PTPRC: variants seen among roughly 807,000 people sequenced by gnomAD.
The protein encoded by PTPRC is receptor-type tyrosine-protein phosphatase C.
In PTPRC, 44 loss-of-function variants were observed where a neutral mutation model predicts 155.9. The observed-to-expected ratio is 0.28, with a 90% CI of 0.22 to 0.36. The LOEUF is 0.36. Among genes scored for constraint, PTPRC ranks in the 10% least tolerant of loss-of-function variants. PTPRC has a pLI of 1.00. For synonymous variants in PTPRC, 525 were observed against 533.1 expected, an observed-to-expected ratio of 0.98 and a Z score of 0.21; for missense variants, 1,401 against 1,564.6, an observed-to-expected ratio of 0.90 and a Z score of 1.76.
At chr1:198,684,673 C>CAA (rs200766684) in intron 2 of PTPRC, among the ~76,000 whole-genome samples, 2 of 150,392 alleles carry the variant, frequency 1.3e-5, no homozygotes, top group East Asian at 1.9e-4. Context: ...TTCTTTAAAA[C>CAA]AAAAAAAAAG....
intron 2 of PTPRC, among the ~76,000 whole-genome samples, chr1:198,656,999 C>T (rs1453031039): frequency 6.7e-6 from 1 of 149,270 alleles, no homozygotes; most frequent in African/African-American, 2.4e-5. Context: ...TCTAACTCCA[C>T]CATAGGATGG....
At chr1:198,734,549 G>A (rs777169245) in intron 22 of PTPRC, 124 bp downstream of exon 22, 12 of 858,272 alleles carry the variant, frequency 1.4e-5, no homozygotes, top group Non-Finnish European at 2.3e-5. Context: ...ATTTTAATCA[G>A]TGTTAACATT....
chr1:198,639,070 G>A lies in PTPRC; in HGVS notation c.-111G>A. ...CATCACCTAGCAGTTCATGCAGCTA[G>A]CAAGTGGTTTGTTCTTAGGGTAACA... On this transcript the variant is annotated 5_prime_UTR_variant, in exon 1 of 33. Coordinates refer to ENST00000442510, the MANE Select transcript of PTPRC (RefSeq NM_002838.5). 1.7e-6 allele frequency: 1 copy of A among 581,484 alleles called. No individual in the cohort carries two copies. Among genetic ancestry groups the A allele is most frequent in the Non-Finnish European group, 3.1e-6 (1 of 324,796 alleles). The allele number at this position is 581,484 out of a possible 1,614,324, so 36.0% of individuals were successfully genotyped here. A position where few individuals can be genotyped will look rare whatever the true frequency, so the allele number is the denominator to read the frequency against.
At chr1:198,742,578 C>A (rs921250149) in intron 25 of PTPRC, among the ~76,000 whole-genome samples, 4 of 151,688 alleles carry the variant, frequency 2.6e-5, no homozygotes, top group Non-Finnish European at 5.9e-5. Context: ...AAGATGACCA[C>A]AAAATATATA....
chr1:198,735,062 G>T, intron 22 of PTPRC, 65 bp from the exon 23 acceptor site: 1 of 1,401,406 alleles, frequency 7.1e-7, no homozygotes, highest in South Asian at 1.3e-5. Context: ...ACTGTTTAAA[G>T]AAAGTTTGAT....
chr1:198,756,421 G>T lies in PTPRC; in HGVS notation c.*240G>T, dbSNP rs1257969850. The T allele has an allele frequency of 3.7e-6, 2 of 540,388 alleles. No homozygotes were observed. The highest frequency in any genetic ancestry group is 6.5e-6 in the Non-Finnish European group (2 of 306,032). 33.5% of individuals were successfully genotyped at this position (540,388 alleles called of 1,614,324 possible). ...TTATTCAGTAAAAAACAACTTCTTTGTAATCGTTATGTGTGTATATGTATG... is the reference window on the plus strand; with the variant it reads ...TTATTCAGTAAAAAACAACTTCTTTTTAATCGTTATGTGTGTATATGTATG... On this transcript the variant is annotated 3_prime_UTR_variant, in exon 33 of 33. Transcript: ENST00000442510.
chr1:198,714,600 G>A (rs765481895), intron 12 of PTPRC, among the ~76,000 whole-genome samples: 1 of 152,164 alleles, frequency 6.6e-6, no homozygotes, highest in Non-Finnish European at 1.5e-5. Context: ...ACCATGCCCT[G>A]ACACTGCATA....
intron 2 of PTPRC, among the ~76,000 whole-genome samples, chr1:198,645,758 C>A (rs754472125): frequency 6.6e-5 from 10 of 151,726 alleles, no homozygotes; most frequent in Non-Finnish European, 1.2e-4. Context: ...CCCTTATAGG[C>A]CTTTGAATTC....
Position 198,732,342 on chromosome 1 carries a change from C to T in PTPRC, c.2017C>T (p.Arg673Ter). 1.2e-6 allele frequency: 2 copies of T among 1,612,512 alleles called. No individual in the cohort carries two copies. Among genetic ancestry groups the T allele is most frequent in the Admixed American group, 1.7e-5 (1 of 59,796 alleles). Residue 673 changes from arginine (R) to a stop codon, truncating the protein, a stop_gained, in exon 19 of 33, where the codon CGA becomes TGA. Transcript: ENST00000442510. LOFTEE classifies it high-confidence loss of function. Reference sequence around the variant, plus strand: ...CAGCAAGTTTCCTATAAAGGAAGCTCGAAAGCCCTTTAACCAGAATAAAAA... The same window carrying T: ...CAGCAAGTTTCCTATAAAGGAAGCTTGAAAGCCCTTTAACCAGAATAAAAA... ...VFSKFPIKEA[R>*]KPFNQNKNRY...
intron 8 of PTPRC, among the ~76,000 whole-genome samples, chr1:198,706,023 T>A (rs2102409764): frequency 6.6e-6 from 1 of 152,352 alleles, no homozygotes; most frequent in Non-Finnish European, 1.5e-5. Context: ...GATTATACAT[T>A]TCTAAAAGCT....
At chr1:198,716,609 G>T in intron 12 of PTPRC, 73 bp from the exon 13 acceptor site, 1 of 1,340,574 alleles carries the variant, frequency 7.5e-7, no homozygotes, top group Non-Finnish European at 1.1e-6. Context: ...GTGATGTAGA[G>T]ACCAAATTAA....
chr1:198,687,056 A>T (rs1659651436), intron 2 of PTPRC, among the ~76,000 whole-genome samples: 1 of 152,168 alleles, frequency 6.6e-6, no homozygotes, highest in African/African-American at 2.4e-5. Context: ...CCCAGGCTGG[A>T]GTACAGTGGC....
chr1:198,663,012 C>T (rs1425450197), intron 2 of PTPRC, among the ~76,000 whole-genome samples: 1 of 152,198 alleles, frequency 6.6e-6, no homozygotes, highest in Non-Finnish European at 1.5e-5. Flanking sequence ...GCAAGAGCTA[C>T]TGGCCAAAGG....
At chr1:198,683,982 C>T (rs892855744) in intron 2 of PTPRC, among the ~76,000 whole-genome samples, 1 of 151,888 alleles carries the variant, frequency 6.6e-6, no homozygotes, top group African/African-American at 2.4e-5. Flanking sequence ...TATTAACACA[C>T]TTTATAAATA....
chr1:198,728,346 C>A lies in PTPRC; in HGVS notation c.1727C>A (p.Ser576Tyr). ...FILHHSTSYN[S>Y]KALIAFLAFL... ...TATTATTTTTCATTTCTAGATAATT[C>A]TAAGGCACTGATAGCATTTCTGGCA... The change falls in exon 16 of 33, where the codon TCT becomes TAT. Residue 576 changes from serine (S) to tyrosine (Y), a missense_variant. Physicochemically the swap from Ser to Tyr is moderately radical, Grantham distance 144. This residue lies in a region of PTPRC where 867 missense variants were observed against 970.4 expected (regional missense o/e 0.89). Coordinates refer to ENST00000442510, the MANE Select transcript of PTPRC (RefSeq NM_002838.5). The A allele has an allele frequency of 6.2e-7, 1 of 1,611,768 alleles. No individual in the cohort carries two copies. The highest frequency in any genetic ancestry group is 8.5e-7 in the Non-Finnish European group (1 of 1,178,710).
intron 32 of PTPRC, among the ~76,000 whole-genome samples, chr1:198,755,540 A>G (rs1056390043): frequency 3.9e-5 from 6 of 152,070 alleles, no homozygotes; most frequent in African/African-American, 1.4e-4. Flanking sequence ...AAACTTTAGG[A>G]ATCAAGAAAC....
chr1:198,729,052 A>C, intron 16 of PTPRC, 85 bp from the exon 17 acceptor site: 1 of 1,446,158 alleles, frequency 6.9e-7, no homozygotes, highest in Non-Finnish European at 9.5e-7. Flanking sequence ...TTGTTCCTTC[A>C]ATATATTCAT....
chr1:198,675,918 G>T (rs1363850338), intron 2 of PTPRC, among the ~76,000 whole-genome samples: 4 of 152,104 alleles, frequency 2.6e-5, no homozygotes. Flanking sequence ...CTGTGTCAAA[G>T]ACCGAAATAT....
At chr1:198,707,006 G>A in intron 9 of PTPRC, 54 bp downstream of exon 9, 1 of 1,433,312 alleles carries the variant, frequency 7.0e-7, no homozygotes, top group Non-Finnish European at 9.8e-7. Context: ...ACACTTTTGT[G>A]TGTGGTGTTC....
Sources: gnomAD v4.1 joint callset for allele counts (sites outside exome capture counted in the v4.1 genomes callset) on GRCh38, gnomAD v4.1.1 for gene constraint, gnomAD v4.1.1 regional missense constraint, MANE v1.5 for transcripts, NCBI Gene and HGNC (gene_info 2026-07-23, HGNC 2026-07-21) for gene names.